UNC5D: variants seen among roughly 807,000 people sequenced by gnomAD.
The protein encoded by UNC5D is netrin receptor UNC5D.
UNC5D carries 39 observed loss-of-function variants against 105.4 expected under a neutral mutation model. The ratio of observed to expected loss-of-function variants is 0.37; its 90% CI spans 0.29 to 0.48. The LOEUF is 0.48. Ranked by LOEUF, UNC5D falls within the 20% of genes least tolerant of loss-of-function variation. The probability of loss-of-function intolerance (pLI) is 0.98; values close to 1 mark genes in which losing one functional copy is unlikely to be tolerated. For synonymous variants in UNC5D, 452 were observed against 450.4 expected (o/e 1.00, Z -0.04); for missense variants, 991 against 1,202.4 (o/e 0.82, Z 2.60).
chr8:35,653,207 C>T (rs542266038), intron 4 of UNC5D, among the ~76,000 whole-genome samples: 6 of 152,170 alleles, frequency 3.9e-5, no homozygotes, highest in South Asian at 2.1e-4. Flanking sequence ...GGATTACAGG[C>T]GTGAGCCACT....
At chr8:35,550,123 C>CTA (rs1361225029) in intron 2 of UNC5D, among the ~76,000 whole-genome samples, 1 of 152,036 alleles carries the variant, frequency 6.6e-6, no homozygotes, top group South Asian at 2.1e-4. Flanking sequence ...ATTATACTAG[C>CTA]TAATGCATAT....
intron 1 of UNC5D, among the ~76,000 whole-genome samples, chr8:35,316,784 A>T (rs1380936912): frequency 3.3e-5 from 5 of 152,190 alleles, no homozygotes; most frequent in Admixed American, 3.3e-4. Flanking sequence ...CAGATAATTT[A>T]GAGACTGTGG....
intron 1 of UNC5D, among the ~76,000 whole-genome samples, chr8:35,240,704 GA>G (rs1270805089): frequency 1.3e-5 from 2 of 152,118 alleles, no homozygotes; most frequent in Non-Finnish European, 2.9e-5. Flanking sequence ...GAACTATGCA[GA>G]AAAGAAAATG....
At chr8:35,252,800 T>G (rs1169646657) in intron 1 of UNC5D, among the ~76,000 whole-genome samples, 1 of 152,198 alleles carries the variant, frequency 6.6e-6, no homozygotes, top group Non-Finnish European at 1.5e-5. Context: ...ACCTTGAAGA[T>G]GAACATGCTA....
At chr8:35,747,317 C>A (rs990406908) in intron 11 of UNC5D, among the ~76,000 whole-genome samples, 1 of 152,104 alleles carries the variant, frequency 6.6e-6, no homozygotes, top group African/African-American at 2.4e-5. Context: ...TCAACATAAG[C>A]AATTCAGAAA....
intron 1 of UNC5D, among the ~76,000 whole-genome samples, chr8:35,330,188 G>A (rs992222777): frequency 4.6e-5 from 7 of 152,260 alleles, no homozygotes; most frequent in Admixed American, 2.6e-4. Flanking sequence ...CTTAACCTTA[G>A]TACATATTAT....
At chr8:35,323,636 C>T (rs1809923103) in intron 1 of UNC5D, among the ~76,000 whole-genome samples, 1 of 152,160 alleles carries the variant, frequency 6.6e-6, no homozygotes, top group African/African-American at 2.4e-5. Flanking sequence ...AATATTTTTA[C>T]ATACTTTAAT....
Position 35,602,533 on chromosome 8 carries a change from C to T in UNC5D, c.570+6876C>T, listed in dbSNP as rs550996236. Among the ~76,000 whole-genome samples, 69 of 152,092 alleles carry T rather than the reference C, an allele frequency of 4.5e-4. 1 individual carries two copies. The South Asian group carries it at 0.01, about 23-fold the overall frequency. On this transcript the variant is annotated intron_variant, in intron 4 of 16. Transcript: ENST00000404895. ...TCTTCCTGGTTTAGCCTTGGGAGAG[C>T]GTATGTGTCGAGGAATTTATCCATT...
intron 1 of UNC5D, among the ~76,000 whole-genome samples, chr8:35,533,640 C>T (rs1396760684): frequency 6.6e-6 from 1 of 152,238 alleles, no homozygotes; most frequent in Non-Finnish European, 1.5e-5. Flanking sequence ...GCGCCCCTCC[C>T]CCAGCCTCGC....
rs1366973807 is a variant in UNC5D, at chr8:35,774,497, G to A, written c.2657+20G>A. ...CAACAGGTAATTGGGGACAGCTTCT[G>A]GAAGACGATGTTACTAAGAGAACTT... On this transcript the variant is annotated intron_variant, in intron 16 of 16. Coordinates refer to ENST00000404895, the MANE Select transcript of UNC5D (RefSeq NM_080872.4). The A allele has an allele frequency of 1.2e-6, 2 of 1,612,834 alleles. No individual in the cohort carries two copies. Among genetic ancestry groups the A allele is most frequent in the Non-Finnish European group, 1.7e-6 (2 of 1,179,352 alleles).
intron 1 of UNC5D, among the ~76,000 whole-genome samples, chr8:35,390,034 G>A (rs1372447210): frequency 4.6e-5 from 7 of 152,200 alleles, no homozygotes; most frequent in Non-Finnish European, 5.9e-5. Context: ...CAGGAAACCT[G>A]ATGCTGGCAT....
chr8:35,467,725 C>G, intron 1 of UNC5D, among the ~76,000 whole-genome samples: 1 of 152,046 alleles, frequency 6.6e-6, no homozygotes, highest in Admixed American at 6.6e-5. Flanking sequence ...GACCTTTGGG[C>G]AGATGTTGGG....
chr8:35,470,003 T>A (rs1007534592), intron 1 of UNC5D, among the ~76,000 whole-genome samples: 1 of 152,218 alleles, frequency 6.6e-6, no homozygotes, highest in East Asian at 1.9e-4. Context: ...AAGGATGTTG[T>A]AAACATAGTG....
chr8:35,368,810 CCT>C (rs1012747330), intron 1 of UNC5D, among the ~76,000 whole-genome samples: 1 of 151,918 alleles, frequency 6.6e-6, no homozygotes, highest in Non-Finnish European at 1.5e-5. Flanking sequence ...TAGAAAGCTT[CCT>C]CTCTCTCCAT....
chr8:35,477,877 A>G (rs934566670), intron 1 of UNC5D, among the ~76,000 whole-genome samples: 6 of 152,064 alleles, frequency 3.9e-5, no homozygotes, highest in Non-Finnish European at 8.8e-5. Context: ...TTCTATTTAT[A>G]TTTTTTTCTC....
chr8:35,665,605 C>T (rs1052408586), intron 4 of UNC5D, among the ~76,000 whole-genome samples: 61 of 151,314 alleles, frequency 4.0e-4, no homozygotes, highest in African/African-American at 1.4e-3. Flanking sequence ...TTTCAACCTC[C>T]CAAAAAGCCC....
At chr8:35,353,440 T>A (rs2128911758) in intron 1 of UNC5D, among the ~76,000 whole-genome samples, 1 of 152,328 alleles carries the variant, frequency 6.6e-6, no homozygotes, top group South Asian at 2.1e-4. Flanking sequence ...ACTGTTGTCT[T>A]TGGGATTGTA....
chr8:35,727,153 A>G (rs955625140), intron 10 of UNC5D: 1 of 153,268 alleles, frequency 6.5e-6, no homozygotes, highest in Non-Finnish European at 1.5e-5. Flanking sequence ...ATGTTTTGAC[A>G]TGATACTTAA....
chr8:35,264,192 T>C (rs1367591131), intron 1 of UNC5D, among the ~76,000 whole-genome samples: 1 of 152,146 alleles, frequency 6.6e-6, no homozygotes, highest in African/African-American at 2.4e-5. Context: ...ACAGCAAAAA[T>C]TGTAGCTTAT....
Sources: allele counts gnomAD v4.1 joint callset (sites outside exome capture counted in the v4.1 genomes callset), GRCh38; gene constraint gnomAD v4.1.1; transcripts MANE v1.5; gene names NCBI Gene and HGNC (gene_info 2026-07-23, HGNC 2026-07-21).